The following LARGE1 variants were observed in gnomAD, a reference collection of about 807,000 sequenced individuals.
The protein encoded by LARGE1 is LARGE xylosyl- and glucuronyltransferase 1.
LARGE1 carries 43 observed loss-of-function variants against 87.6 expected under a neutral mutation model. That is an observed-to-expected ratio of 0.49 (90% CI 0.38 to 0.63). The LOEUF (loss-of-function observed/expected upper bound fraction) is 0.63, where lower values mean the gene tolerates loss of function less well. LARGE1 is among the 30% of genes least tolerant of loss of function. LARGE1 has a pLI of 0.00. For synonymous variants in LARGE1, 434 were observed against 394.6 expected, an observed-to-expected ratio of 1.10 and a Z score of -1.18; for missense variants, 802 against 1,000.2, an observed-to-expected ratio of 0.80 and a Z score of 2.67.
intron 9 of LARGE1, among the ~76,000 whole-genome samples, chr22:33,344,488 G>C (rs144368529): frequency 6.6e-6 from 1 of 152,280 alleles, no homozygotes; most frequent in East Asian, 1.9e-4. Flanking sequence ...GCATTAAGTG[G>C]AAAGAAACCA....
intron 1 of LARGE1, among the ~76,000 whole-genome samples, chr22:33,815,807 A>G (rs1264475398): frequency 6.6e-6 from 1 of 152,150 alleles, no homozygotes; most frequent in Non-Finnish European, 1.5e-5. Context: ...GAGCCCTGTG[A>G]GTGTGCAGTC....
chr22:33,069,352 AC>A, the LARGE1 span, among the ~76,000 whole-genome samples: 1 of 152,178 alleles, frequency 6.6e-6, no homozygotes, highest in Admixed American at 6.5e-5. Flanking sequence ...TGTCTGTGTC[AC>A]GTTTTCTCAA....
the LARGE1 span, among the ~76,000 whole-genome samples, chr22:33,101,463 G>A: frequency 3.3e-5 from 5 of 152,230 alleles, no homozygotes; most frequent in East Asian, 1.9e-4. Context: ...AAATAGGTTC[G>A]ATTGCAAGCC....
At chr22:33,257,449 AAACAAAAAC>A (rs1395454681) in intron 11 of LARGE1, among the ~76,000 whole-genome samples, 1 of 149,516 alleles carries the variant, frequency 6.7e-6, no homozygotes, top group Admixed American at 6.7e-5. Flanking sequence ...ACAAAAACAA[AAACAAAAAC>A]AAAAAAACAA....
At chr22:33,502,606 C>T (rs537964799) in intron 6 of LARGE1, among the ~76,000 whole-genome samples, 165 of 152,128 alleles carry the variant, frequency 1.1e-3, no homozygotes, top group African/African-American at 3.8e-3. Context: ...TCTGGCTCTG[C>T]CACCCAGGCT....
the LARGE1 span, among the ~76,000 whole-genome samples, chr22:33,148,197 C>T: frequency 1.3e-5 from 2 of 152,158 alleles, no homozygotes; most frequent in Admixed American, 6.5e-5. Flanking sequence ...GACTTCAGAG[C>T]CTGGAGCCAA....
intron 1 of LARGE1, among the ~76,000 whole-genome samples, chr22:33,821,425 G>A (rs1041581048): frequency 3.9e-5 from 6 of 152,140 alleles, no homozygotes; most frequent in Non-Finnish European, 7.3e-5. Context: ...CTCCTAGAGT[G>A]CAGAGGCCAT....
intron 6 of LARGE1, among the ~76,000 whole-genome samples, chr22:33,514,282 C>CCACA (rs60301225): frequency 0.042 from 6,237 of 147,836 alleles, 240 homozygotes; most frequent in African/African-American, 0.1. Context: ...CTATGTGTGT[C>CCACA]CACACACACA....
intron 1 of LARGE1, chr22:33,861,511 TC>T (rs1210554898): frequency 6.6e-6 from 1 of 152,144 alleles, no homozygotes; most frequent in Non-Finnish European, 1.5e-5. Context: ...TTGCACAAGA[TC>T]CCTTGGACAA....
chr22:33,652,261 G>C lies in LARGE1; in HGVS notation c.107-1593C>G, dbSNP rs573117353. Among the ~76,000 whole-genome samples, 14 of 152,134 alleles carry C rather than the reference G, an allele frequency of 9.2e-5. No homozygotes were observed. In the South Asian group the frequency reaches 2.5e-3, roughly 27 times the overall value. ...CTCTCAATGTGATGCCACCACAATG[G>C]TGATGTCAGAATTCGCACCCAGGTC... On this transcript the variant is annotated intron_variant, in intron 2 of 14. Transcript: ENST00000397394.
intron 9 of LARGE1, among the ~76,000 whole-genome samples, chr22:33,348,030 C>T (rs1939952564): frequency 6.6e-6 from 1 of 152,138 alleles, no homozygotes; most frequent in African/African-American, 2.4e-5. Flanking sequence ...CAGATTGTCA[C>T]ACAACCTGAG....
At chr22:33,702,174 A>G (rs1321270634) in intron 2 of LARGE1, among the ~76,000 whole-genome samples, 1 of 152,242 alleles carries the variant, frequency 6.6e-6, no homozygotes, top group South Asian at 2.1e-4. Context: ...CGCTTAATAA[A>G]TGCTAGATAT....
chr22:33,324,050 G>T (rs1343486310), intron 10 of LARGE1, among the ~76,000 whole-genome samples: 3 of 151,822 alleles, frequency 2.0e-5, no homozygotes, highest in Admixed American at 2.0e-4. Flanking sequence ...TGGCCAACGT[G>T]GGGAAACCCC....
chr22:33,797,475 C>T (rs888036808), intron 1 of LARGE1, among the ~76,000 whole-genome samples: 1 of 152,168 alleles, frequency 6.6e-6, no homozygotes, highest in African/African-American at 2.4e-5. Context: ...AATCAAAGCT[C>T]CCTTGCCATA....
chr22:33,171,252 T>C (rs1223378540), intron 11 of LARGE1, among the ~76,000 whole-genome samples: 1 of 152,166 alleles, frequency 6.6e-6, no homozygotes. Context: ...GGTTTGAAAT[T>C]GGAACTTATG....
intron 6 of LARGE1, among the ~76,000 whole-genome samples, chr22:33,443,918 G>A (rs2147849885): frequency 6.6e-6 from 1 of 152,376 alleles, no homozygotes; most frequent in South Asian, 2.1e-4. Flanking sequence ...CGAGGCGGCA[G>A]AGCTGGCCTC....
intron 4 of LARGE1, among the ~76,000 whole-genome samples, chr22:33,605,246 A>G (rs1260396972): frequency 6.6e-6 from 1 of 152,036 alleles, no homozygotes; most frequent in Non-Finnish European, 1.5e-5. Context: ...TTACTTTAAT[A>G]CTTTTGATAA....
At chr22:33,812,951 T>C (rs1026026486) in intron 1 of LARGE1, among the ~76,000 whole-genome samples, 6 of 152,184 alleles carry the variant, frequency 3.9e-5, no homozygotes, top group Admixed American at 1.3e-4. Flanking sequence ...CTAGCACTGT[T>C]TGCTTTCTGG....
intron 9 of LARGE1, among the ~76,000 whole-genome samples, chr22:33,341,616 T>G (rs1939153003): frequency 6.6e-6 from 1 of 152,176 alleles, no homozygotes; most frequent in Admixed American, 6.5e-5. Flanking sequence ...GAAACCTATT[T>G]GGTCCAAACC....
Sources: gnomAD v4.1 joint callset for allele counts (sites outside exome capture counted in the v4.1 genomes callset) on GRCh38, gnomAD v4.1.1 for gene constraint, MANE v1.5 for transcripts, NCBI Gene and HGNC (gene_info 2026-07-23, HGNC 2026-07-21) for gene names.